The following IQGAP2 variants were observed in gnomAD, a reference collection of about 807,000 sequenced individuals.
IQGAP2 encodes the protein IQ motif containing GTPase activating protein 2.
In IQGAP2, 173 loss-of-function variants were observed where a neutral mutation model predicts 201.3. The ratio of observed to expected loss-of-function variants is 0.86; its 90% CI spans 0.76 to 0.98. The LOEUF (loss-of-function observed/expected upper bound fraction) is 0.98. Ranked by LOEUF, IQGAP2 falls within the 50% of genes least tolerant of loss-of-function variation. IQGAP2 has a pLI of 0.00. For missense variants in IQGAP2, 1,687 were observed against 1,864.8 expected (o/e 0.90, Z 1.76); for synonymous variants, 675 against 673.9 (o/e 1.00, Z -0.03).
chr5:76,681,771 G>A (rs1201895377), intron 28 of IQGAP2, among the ~76,000 whole-genome samples: 1 of 152,018 alleles, frequency 6.6e-6, no homozygotes, highest in Non-Finnish European at 1.5e-5. Context: ...AAAATTGAAA[G>A]CAGAGTCAAA....
At chr5:76,674,440 C>G in intron 26 of IQGAP2, 37 bp from the exon 27 acceptor site, 2 of 1,255,092 alleles carry the variant, frequency 1.6e-6, no homozygotes, top group Non-Finnish European at 2.3e-6. Flanking sequence ...TGAGTTTTCT[C>G]TCTTAAAAAT....
rs550849814 is a variant in IQGAP2, at chr5:76,461,023, T to C, written c.47-547T>C. Among the ~76,000 whole-genome samples, 60 of 151,630 alleles carry C rather than the reference T, an allele frequency of 4.0e-4. 1 individual carries two copies. The highest frequency in any genetic ancestry group is 1.4e-3 in the African/African-American group (57 of 41,374). On this transcript the variant is annotated intron_variant, in intron 1 of 35. Coordinates refer to ENST00000274364, the MANE Select transcript of IQGAP2 (RefSeq NM_006633.5). ...CCTCCCAAGTAGCTGGGACTACAGGTGCCCCCCACCACACCTGGCTAATTT... is the reference window on the plus strand; with the variant it reads ...CCTCCCAAGTAGCTGGGACTACAGGCGCCCCCCACCACACCTGGCTAATTT...
chr5:76,411,666 C>T (rs183092127), intron 1 of IQGAP2, among the ~76,000 whole-genome samples: 2 of 152,310 alleles, frequency 1.3e-5, no homozygotes, highest in Admixed American at 6.5e-5. Flanking sequence ...AGAAGGCCCT[C>T]ACCAGTTGCA....
chr5:76,534,832 AT>A (rs1474521700), intron 2 of IQGAP2, among the ~76,000 whole-genome samples: 2 of 152,228 alleles, frequency 1.3e-5, no homozygotes, highest in African/African-American at 2.4e-5. Context: ...AGTGAAAAAC[AT>A]TTACTAAGAA....
At chr5:76,692,039 G>A (rs560229575) in intron 30 of IQGAP2, among the ~76,000 whole-genome samples, 6 of 152,284 alleles carry the variant, frequency 3.9e-5, no homozygotes, top group South Asian at 4.1e-4. Flanking sequence ...ATGCAATAAC[G>A]GGACTACAGT....
chr5:76,503,824 C>T (rs919660617), intron 2 of IQGAP2, among the ~76,000 whole-genome samples: 1 of 151,814 alleles, frequency 6.6e-6, no homozygotes, highest in African/African-American at 2.4e-5. Context: ...AACTCCTGAC[C>T]TCAGGTGATC....
chr5:76,500,797 A>G (rs1757228852), intron 2 of IQGAP2, among the ~76,000 whole-genome samples: 1 of 152,210 alleles, frequency 6.6e-6, no homozygotes, highest in Admixed American at 6.5e-5. Flanking sequence ...AGGTAATTAC[A>G]GATCATAGAA....
At chr5:76,657,632 T>A (rs72772794) in intron 20 of IQGAP2, among the ~76,000 whole-genome samples, 2,137 of 152,320 alleles carry the variant, frequency 0.014, 19 homozygotes, top group Non-Finnish European at 0.021. Context: ...GGTCTAATCA[T>A]TCGTCCTCAA....
chr5:76,564,254 T>C (rs1744581839), intron 3 of IQGAP2, among the ~76,000 whole-genome samples: 1 of 152,190 alleles, frequency 6.6e-6, no homozygotes, highest in African/African-American at 2.4e-5. Flanking sequence ...ACAAAATAAA[T>C]ATTAGTCCAC....
At chr5:76,407,026 T>G (rs1226567013) in intron 1 of IQGAP2, among the ~76,000 whole-genome samples, 1 of 152,146 alleles carries the variant, frequency 6.6e-6, no homozygotes, top group African/African-American at 2.4e-5. Context: ...TCACCCAGGC[T>G]GGAGTGCAGT....
At chr5:76,464,315 G>C (rs978984684) in intron 2 of IQGAP2, among the ~76,000 whole-genome samples, 2 of 152,186 alleles carry the variant, frequency 1.3e-5, no homozygotes, top group African/African-American at 4.8e-5. Flanking sequence ...TGTCTTTCTT[G>C]AAAAGATGAG....
intron 17 of IQGAP2, among the ~76,000 whole-genome samples, chr5:76,642,849 T>A (rs1048035116): frequency 2.0e-5 from 3 of 152,024 alleles, no homozygotes; most frequent in Admixed American, 6.6e-5. Context: ...AGGAAATGAG[T>A]AGTGGTACAG....
intron 1 of IQGAP2, among the ~76,000 whole-genome samples, chr5:76,427,902 C>G (rs972869006): frequency 1.3e-5 from 2 of 152,242 alleles, no homozygotes; most frequent in African/African-American, 4.8e-5. Flanking sequence ...AGACCCTTCT[C>G]TGTGCTGGAG....
intron 17 of IQGAP2, among the ~76,000 whole-genome samples, chr5:76,647,165 G>T (rs460562): frequency 0.34 from 52,147 of 151,874 alleles, 9,174 homozygotes; most frequent in Non-Finnish European, 0.39. Context: ...CTATTCTTCC[G>T]TAAATACAAC....
At chr5:76,618,544 C>A (rs147259966) in intron 13 of IQGAP2, 2 of 1,614,078 alleles carry the variant, frequency 1.2e-6, no homozygotes, top group Non-Finnish European at 1.7e-6. Context: ...CCTTCCAAGG[C>A]AGAAAAGGGG....
At chr5:76,585,305 T>C (rs1746166172) in intron 5 of IQGAP2, among the ~76,000 whole-genome samples, 1 of 152,208 alleles carries the variant, frequency 6.6e-6, no homozygotes. Context: ...ATTTGTTGCT[T>C]GAAGACATTT....
At chr5:76,609,588 G>T (rs1469502606) in intron 12 of IQGAP2, among the ~76,000 whole-genome samples, 8 of 152,042 alleles carry the variant, frequency 5.3e-5, no homozygotes, top group Non-Finnish European at 7.4e-5. Flanking sequence ...TGTCAAGCTG[G>T]AGATACTTTT....
At chr5:76,656,896 T>A (rs554894660) in intron 20 of IQGAP2, among the ~76,000 whole-genome samples, 466 of 150,928 alleles carry the variant, frequency 3.1e-3, no homozygotes, top group Non-Finnish European at 4.5e-3. Flanking sequence ...TTTTCTAATT[T>A]AAAAAAAAAA....
At chr5:76,599,498 T>C (rs182240987) in intron 10 of IQGAP2, among the ~76,000 whole-genome samples, 161 of 152,306 alleles carry the variant, frequency 1.1e-3, no homozygotes, top group African/African-American at 3.8e-3. Context: ...GACAGGTCAC[T>C]GAAAGAGATA....
Sources: allele counts gnomAD v4.1 joint callset (sites outside exome capture counted in the v4.1 genomes callset), GRCh38; gene constraint gnomAD v4.1.1; transcripts MANE v1.5; gene names NCBI Gene and HGNC (gene_info 2026-07-23, HGNC 2026-07-21).